The following ZDHHC17 variants were observed in gnomAD, a reference collection of about 807,000 sequenced individuals.
The protein encoded by ZDHHC17 is palmitoyltransferase ZDHHC17.
In ZDHHC17, 40 loss-of-function variants were observed where a neutral mutation model predicts 90.3. The ratio of observed to expected loss-of-function variants is 0.44; its 90% confidence interval spans 0.34 to 0.58. The LOEUF is 0.58. ZDHHC17 is among the 20% of genes least tolerant of loss of function. The probability of loss-of-function intolerance (pLI) is 0.01; values close to 1 mark genes in which losing one functional copy is unlikely to be tolerated. For synonymous variants in ZDHHC17, 235 were observed against 252.4 expected (o/e 0.93, Z 0.65); for missense variants, 614 against 780.8 (o/e 0.79, Z 2.55).
chr12:76,784,221 A>G (rs1164411428), intron 1 of ZDHHC17, among the ~76,000 whole-genome samples: 2 of 152,216 alleles, frequency 1.3e-5, no homozygotes, highest in African/African-American at 4.8e-5. Flanking sequence ...TTTTGCACCA[A>G]AATAAACTTT....
chr12:76,812,404 C>T (rs1399173718), intron 5 of ZDHHC17, among the ~76,000 whole-genome samples: 1 of 152,058 alleles, frequency 6.6e-6, no homozygotes, highest in Non-Finnish European at 1.5e-5. Context: ...ATATTCTTTC[C>T]TCAGATAGTC....
chr12:76,774,551 A>G (rs1312887060), intron 1 of ZDHHC17, among the ~76,000 whole-genome samples: 1 of 152,114 alleles, frequency 6.6e-6, no homozygotes, highest in African/African-American at 2.4e-5. Context: ...ATTATCTGTA[A>G]ATCTCTTCTA....
At chr12:76,818,830 A>G (rs560471643) in intron 7 of ZDHHC17, among the ~76,000 whole-genome samples, 1 of 152,328 alleles carries the variant, frequency 6.6e-6, no homozygotes, top group Admixed American at 6.5e-5. Context: ...AAACATTTGA[A>G]AGGATTTATG....
chr12:76,842,002 C>T lies in ZDHHC17; in HGVS notation c.1162C>T (p.His388Tyr). 4.5e-6 allele frequency: 7 copies of T among 1,571,716 alleles called. No individual in the cohort carries two copies. Among genetic ancestry groups the T allele is most frequent in the East Asian group, 4.7e-5 (2 of 42,632 alleles). Residue 388 changes from histidine (H) to tyrosine (Y), a missense_variant, in exon 11 of 17, where the codon CAT (histidine) becomes TAT (tyrosine). Around this residue, in one of 5 missense-constraint regions of ZDHHC17, gnomAD observed 117 missense variants for 183.6 expected, o/e 0.64. Transcript: ENST00000426126. ...FWNDLNFLFI[H>Y]LPFLANSVAL... ...GGCACATCTCAACTTTTTATTTATC[C>T]ATCTTCCATTCCTTGCCAATAGTGT...
intron 1 of ZDHHC17, among the ~76,000 whole-genome samples, chr12:76,781,845 A>G (rs1418129741): frequency 6.6e-6 from 1 of 152,246 alleles, no homozygotes; most frequent in African/African-American, 2.4e-5. Context: ...ATGTATCAGC[A>G]CAGATAAATC....
intron 1 of ZDHHC17, among the ~76,000 whole-genome samples, chr12:76,790,867 A>G (rs1415383015): frequency 6.6e-6 from 1 of 152,150 alleles, no homozygotes; most frequent in African/African-American, 2.4e-5. Context: ...ATATAAAAGT[A>G]CAGCTAGTTA....
Position 76,828,379 on chromosome 12 carries a change from G to C in ZDHHC17, c.1041-11G>C, listed in dbSNP as rs776344761. ...ATAGAGCTCATATTTTATAAAACTT[G>C]TGTTTTACAGATCCTTTTTCGATCA... On this transcript the variant is annotated splice_polypyrimidine_tract_variant and intron_variant, in intron 9 of 16. Transcript: ENST00000426126. The C allele has an allele frequency of 1.3e-6, 2 of 1,576,752 alleles. No individual in the cohort carries two copies. Among genetic ancestry groups the C allele is most frequent in the South Asian group, 2.4e-5 (2 of 84,492 alleles).
At chr12:76,803,279 A>G (rs990796320) in intron 2 of ZDHHC17, among the ~76,000 whole-genome samples, 1 of 152,040 alleles carries the variant, frequency 6.6e-6, no homozygotes, top group Non-Finnish European at 1.5e-5. Context: ...ATTACATGAG[A>G]TATTTATTAT....
rs79521867 is a variant in ZDHHC17 at position 76,768,438 on chromosome 12, G to C, written c.93+4109G>C. On this transcript the variant is annotated intron_variant, in intron 1 of 16. Coordinates refer to ENST00000426126, the MANE Select transcript of ZDHHC17 (RefSeq NM_015336.4). ...AATCAACTTGAGCATCTGTCTACTA[G>C]GTACGTAGCATTGTGTTAGGTTATA... 6.5e-3 allele frequency among the ~76,000 whole-genome samples: 990 copies of C among 152,258 alleles called. 13 individuals carry two copies. The highest frequency in any genetic ancestry group is 0.021 in the African/African-American group (891 of 41,544).
intron 2 of ZDHHC17, among the ~76,000 whole-genome samples, chr12:76,803,425 G>C (rs181985526): frequency 6.6e-6 from 1 of 152,246 alleles, no homozygotes; most frequent in East Asian, 1.9e-4. Context: ...CTCTAGGCAA[G>C]GGGCAGAGTT....
At chr12:76,802,225 T>G (rs1952899888) in intron 2 of ZDHHC17, among the ~76,000 whole-genome samples, 1 of 152,168 alleles carries the variant, frequency 6.6e-6, no homozygotes, top group Non-Finnish European at 1.5e-5. Context: ...AATATAGGAT[T>G]TTTGGTTGGC....
chr12:76,799,214 T>C (rs1462140591), intron 2 of ZDHHC17, among the ~76,000 whole-genome samples: 2 of 152,238 alleles, frequency 1.3e-5, no homozygotes, highest in Non-Finnish European at 2.9e-5. Flanking sequence ...CCTTAGGATG[T>C]GTATTTTTCT....
chr12:76,776,826 A>G (rs1159428899), intron 1 of ZDHHC17, among the ~76,000 whole-genome samples: 2 of 152,222 alleles, frequency 1.3e-5, no homozygotes, highest in African/African-American at 4.8e-5. Context: ...TTTGTTCTGG[A>G]CAGTTTTTTA....
chr12:76,827,950 T>A (rs900459814), intron 9 of ZDHHC17, among the ~76,000 whole-genome samples: 1 of 152,104 alleles, frequency 6.6e-6, no homozygotes, highest in Non-Finnish European at 1.5e-5. Flanking sequence ...CTTGAAAAGA[T>A]GTGCTCCAAC....
At chr12:76,831,550 C>T (rs1391828806) in intron 10 of ZDHHC17, among the ~76,000 whole-genome samples, 1 of 152,112 alleles carries the variant, frequency 6.6e-6, no homozygotes. Context: ...CGGGGTTTCA[C>T]TATGTTGGCC....
intron 10 of ZDHHC17, among the ~76,000 whole-genome samples, chr12:76,831,670 C>T (rs556581022): frequency 1.3e-4 from 19 of 151,888 alleles, no homozygotes; most frequent in East Asian, 7.8e-4. Flanking sequence ...TTTGAGACAT[C>T]GTCTCACTGT....
Position 76,771,032 on chromosome 12 carries a change from A to G in ZDHHC17, c.93+6703A>G, listed in dbSNP as rs527566565. Among the ~76,000 whole-genome samples, 16 of 152,136 alleles carry G rather than the reference A, an allele frequency of 1.1e-4. No individual in the cohort carries two copies. In the East Asian group the frequency reaches 3.1e-3, roughly 29 times the overall value. On this transcript the variant is annotated intron_variant, in intron 1 of 16. Transcript: ENST00000426126. ...TTAAGGTTATGTAAAATTCTCTTTC[A>G]GCGCATTATCTGATTATAGTATTAT...
rs779838837 is a variant in ZDHHC17, at chr12:76,850,840, T to A, written c.1761-7T>A. On this transcript the variant is annotated splice_region_variant and splice_polypyrimidine_tract_variant and intron_variant, in intron 16 of 16. Coordinates refer to ENST00000426126, the MANE Select transcript of ZDHHC17 (RefSeq NM_015336.4). ...GACGTGTTTTCTTTTTGGGGTGCTG[T>A]TTTTAGCCATGGATGTGTAAGAAAT... is the stretch of plus-strand genomic sequence containing the variant. 6.2e-7 allele frequency: 1 copy of A among 1,612,530 alleles called. No homozygotes were observed. The highest frequency in any genetic ancestry group is 8.5e-7 in the Non-Finnish European group (1 of 1,179,356).
intron 7 of ZDHHC17, among the ~76,000 whole-genome samples, chr12:76,817,295 T>C (rs895381662): frequency 6.6e-6 from 1 of 152,024 alleles, no homozygotes; most frequent in Non-Finnish European, 1.5e-5. Context: ...TAAAAGAAAA[T>C]TATGTGAGAT....
Sources: gnomAD v4.1 joint callset for allele counts (sites outside exome capture counted in the v4.1 genomes callset) on GRCh38, gnomAD v4.1.1 for gene constraint, gnomAD v4.1.1 regional missense constraint, MANE v1.5 for transcripts, NCBI Gene and HGNC (gene_info 2026-07-23, HGNC 2026-07-21) for gene names.